The following RAD54L2 variants were observed in gnomAD, a reference collection of about 807,000 sequenced individuals.
RAD54L2 encodes the protein RAD54 like 2.
RAD54L2 carries 27 observed loss-of-function variants against 138.4 expected under a neutral mutation model. That is an observed-to-expected ratio of 0.20 (90% CI 0.14 to 0.27). The LOEUF is 0.27. Ranked by LOEUF, RAD54L2 falls within the 10% of genes least tolerant of loss-of-function variation. RAD54L2 has a pLI of 1.00. For synonymous variants in RAD54L2, 644 were observed against 723.2 expected (o/e 0.89, Z 1.76); for missense variants, 1,396 against 1,890.2 (o/e 0.74, Z 4.85).
rs751488593 is a variant in RAD54L2 at position 51,635,696 on chromosome 3, T to C, written c.1246T>C (p.Phe416Leu). ...MYRLLTLKKS[F>L]ATGRPKKTKK... The stretch of plus-strand genomic sequence containing the variant: ...CAGACTCCTCACTCTGAAGAAATCA[T>C]TTGCCACAGGTAGACCGAAGAAAAC... Residue 416 changes from phenylalanine (F) to leucine (L), a missense_variant, in exon 10 of 23, where the codon TTT becomes CTT. Physicochemically the swap from Phe to Leu is conservative, Grantham distance 22 (BLOSUM62 0). This residue lies in a region of RAD54L2 where 169 missense variants were observed against 235.6 expected (regional missense o/e 0.72). Coordinates refer to ENST00000684192, the MANE Select transcript of RAD54L2 (RefSeq NM_015106.4). The C allele has an allele frequency of 3.7e-6, 6 of 1,613,734 alleles. No individual in the cohort carries two copies. The highest frequency in any genetic ancestry group is 1.3e-5 in the African/African-American group (1 of 74,892).
chr3:51,583,327 A>C (rs1231449146), intron 2 of RAD54L2, among the ~76,000 whole-genome samples: 1 of 152,206 alleles, frequency 6.6e-6, no homozygotes, highest in African/African-American at 2.4e-5. Context: ...ACAGAAATGT[A>C]GTTGGAAAAG....
chr3:51,666,286 AC>A lies in RAD54L2; in HGVS notation c.*2868del, dbSNP rs2106870061. ...TGCTGATAGGCAAATGTGCATGCAC[AC>A]CAAACATAAGCATGTTTGTGAGGGA... On this transcript the variant is annotated 3_prime_UTR_variant, in exon 23 of 23. Coordinates refer to ENST00000684192, the MANE Select transcript of RAD54L2 (RefSeq NM_015106.4). 2.0e-5 allele frequency: 3 copies of A among 148,862 alleles called. 1 individual carries two copies. In the East Asian group the frequency reaches 6.0e-4, roughly 30 times the overall value. 9.2% of individuals were successfully genotyped at this position (148,862 alleles called of 1,614,324 possible). A position where few individuals can be genotyped will look rare whatever the true frequency, so the allele number is the denominator to read the frequency against.
Position 51,624,150 on chromosome 3 carries a change from T to TTTTGTTTG in RAD54L2, c.140-3391_140-3384dup, listed in dbSNP as rs748897893. On this transcript the variant is annotated intron_variant, in intron 3 of 22. Coordinates refer to ENST00000684192, the MANE Select transcript of RAD54L2 (RefSeq NM_015106.4). ...AGTCATAGTAAAAGCAGCAGCTGTTTTTTGTTTGTTTGTTTGTTTTTTAAA... is the reference window on the plus strand; with the variant it reads ...AGTCATAGTAAAAGCAGCAGCTGTTTTTTGTTTGTTTGTTTGTTTGTTTGTTTTTTAAA... Among the ~76,000 whole-genome samples, 9 of 152,020 alleles carry TTTTGTTTG rather than the reference T, an allele frequency of 5.9e-5. No homozygotes were observed. The East Asian group carries it at 1.7e-3, about 29-fold the overall frequency.
intron 1 of RAD54L2, among the ~76,000 whole-genome samples, chr3:51,539,948 T>C (rs1371357744): frequency 6.6e-6 from 1 of 152,240 alleles, no homozygotes; most frequent in Non-Finnish European, 1.5e-5. Flanking sequence ...GTGACTGTCA[T>C]TGACAACATT....
At chr3:51,540,646 C>T (rs782319568) in intron 1 of RAD54L2, among the ~76,000 whole-genome samples, 8 of 151,662 alleles carry the variant, frequency 5.3e-5, no homozygotes, top group Non-Finnish European at 1.2e-4. Flanking sequence ...CTAGTATAAA[C>T]TTTCAAGTGC....
At chr3:51,618,976 A>G (rs188023951) in intron 3 of RAD54L2, among the ~76,000 whole-genome samples, 2 of 152,260 alleles carry the variant, frequency 1.3e-5, no homozygotes, top group Admixed American at 1.3e-4. Flanking sequence ...TTTAATGGAG[A>G]AGGTCTGCTA....
chr3:51,640,446 A>G (rs1276410186), intron 14 of RAD54L2, among the ~76,000 whole-genome samples: 1 of 152,252 alleles, frequency 6.6e-6, no homozygotes, highest in African/African-American at 2.4e-5. Context: ...AAAGCCAAAT[A>G]AGTGATGTAG....
rs1189460383 is a variant in RAD54L2 at position 51,666,717 on chromosome 3, C to T, written c.*3297C>T. On this transcript the variant is annotated 3_prime_UTR_variant, in exon 23 of 23. Coordinates refer to ENST00000684192, the MANE Select transcript of RAD54L2 (RefSeq NM_015106.4). ...TTAGATTGGATATCTATGAAGTCCA[C>T]ACCCCTTTGAGTTATGCTTTTTAGG... 1 of 152,198 alleles carries T rather than the reference C, an allele frequency of 6.6e-6. No homozygotes were observed. Among genetic ancestry groups the T allele is most frequent in the Admixed American group, 6.5e-5 (1 of 15,286 alleles). 9.4% of individuals were successfully genotyped at this position (152,198 alleles called of 1,614,324 possible). A position where few individuals can be genotyped will look rare whatever the true frequency, so the allele number is the denominator to read the frequency against.
At chr3:51,615,073 G>C (rs1276061196) in intron 3 of RAD54L2, among the ~76,000 whole-genome samples, 3 of 152,040 alleles carry the variant, frequency 2.0e-5, no homozygotes, top group African/African-American at 7.2e-5. Flanking sequence ...TAGTGCAATG[G>C]CGTGATCTTG....
In RAD54L2 at chr3:51,588,534, CAAAAAAAAAAA is replaced by C. The variant is rs71633079; in HGVS notation, c.-54-1823_-54-1813del. On this transcript the variant is annotated intron_variant, in intron 2 of 22. Transcript: ENST00000684192. ...TGGGTGACAGAGTGAAACTGCATCT[CAAAAAAAAAAA>C]AAAAAAAAAGAAAAGAAAATTTGAA... Among the ~76,000 whole-genome samples the C allele has an allele frequency of 1.2e-4, 6 of 49,432 alleles. No homozygotes were observed. In the East Asian group the frequency reaches 3.3e-3, roughly 27 times the overall value. The allele number at this position is 49,432 out of a possible 152,430, so 32.4% of individuals were successfully genotyped here.
intron 2 of RAD54L2, among the ~76,000 whole-genome samples, chr3:51,578,721 C>T (rs951655846): frequency 3.9e-5 from 6 of 152,064 alleles, no homozygotes; most frequent in East Asian, 1.9e-4. Context: ...TTACTGGCCT[C>T]GTGGCAGCAT....
At chr3:51,613,742 G>A (rs1443284177) in intron 3 of RAD54L2, among the ~76,000 whole-genome samples, 1 of 150,386 alleles carries the variant, frequency 6.6e-6, no homozygotes, top group Non-Finnish European at 1.5e-5. Flanking sequence ...TCCAGCCTGG[G>A]CGATAGAGTG....
Position 51,667,148 on chromosome 3 carries a change from T to C in RAD54L2, c.*3728T>C, listed in dbSNP as rs1421053138. On this transcript the variant is annotated 3_prime_UTR_variant, in exon 23 of 23. Transcript: ENST00000684192. The stretch of plus-strand genomic sequence containing the variant: ...TTCCTTGTTACTAGTGTTCTGGATA[T>C]TACCTTCTGCTTCCCACTTCCTTTT... 6.6e-6 allele frequency: 1 copy of C among 152,122 alleles called. No individual in the cohort carries two copies. Among genetic ancestry groups the C allele is most frequent in the Non-Finnish European group, 1.5e-5 (1 of 68,180 alleles). 9.4% of individuals were successfully genotyped at this position (152,122 alleles called of 1,614,324 possible). A position where few individuals can be genotyped will look rare whatever the true frequency, so the allele number is the denominator to read the frequency against.
At chr3:51,608,034 G>A (rs1700240724) in intron 3 of RAD54L2, among the ~76,000 whole-genome samples, 1 of 151,260 alleles carries the variant, frequency 6.6e-6, no homozygotes, top group Admixed American at 6.6e-5. Flanking sequence ...CCCGGACAGG[G>A]CGGCTGCCGG....
At chr3:51,538,958 C>T (rs1698482165) in intron 1 of RAD54L2, among the ~76,000 whole-genome samples, 43 bp downstream of exon 1, 1 of 152,178 alleles carries the variant, frequency 6.6e-6, no homozygotes, top group Non-Finnish European at 1.5e-5. Context: ...CCGGGGCCGC[C>T]GGGTCCCGCA....
At chr3:51,557,355 A>C (rs572459754) in intron 2 of RAD54L2, among the ~76,000 whole-genome samples, 3 of 151,138 alleles carry the variant, frequency 2.0e-5, no homozygotes, top group East Asian at 2.0e-4. Context: ...GCTAATTTTT[A>C]AATTTATGTA....
rs1324854431 is a variant in RAD54L2 at position 51,662,624 on chromosome 3, C to G, written c.3608C>G (p.Pro1203Arg). 1 of 1,612,518 alleles carries G rather than the reference C, an allele frequency of 6.2e-7. No homozygotes were observed. Among genetic ancestry groups the G allele is most frequent in the Non-Finnish European group, 8.5e-7 (1 of 1,179,194 alleles). Residue 1203 changes from proline (P) to arginine (R), a missense_variant, in exon 23 of 23, where the codon CCT becomes CGT. Pro to Arg is a moderately radical substitution (Grantham distance 103). Around this residue, in one of 7 missense-constraint regions of RAD54L2, gnomAD observed 634 missense variants for 711.2 expected, o/e 0.89. Coordinates refer to ENST00000684192, the MANE Select transcript of RAD54L2 (RefSeq NM_015106.4). The surrounding 1 kb of genome is among the most constrained non-coding windows in gnomAD (Gnocchi z 4.6). ...QSSPSTNAALPGPPAQLMDSS... is the reference protein window; with the variant it reads ...QSSPSTNAALRGPPAQLMDSS... ...TCCCCAAGCACCAATGCCGCCCTGC[C>G]TGGCCCCCCGGCCCAACTTATGGAC...
intron 12 of RAD54L2, 175 bp from the exon 13 acceptor site, chr3:51,639,244 A>G: frequency 2.9e-6 from 2 of 687,876 alleles, no homozygotes; most frequent in Non-Finnish European, 4.8e-6. Context: ...CAGAACTGAT[A>G]ATCAAAACAA....
Position 51,639,887 on chromosome 3 carries a change from G to A in RAD54L2, c.2119G>A (p.Asp707Asn). 1.2e-6 allele frequency: 2 copies of A among 1,601,758 alleles called. No individual in the cohort carries two copies. Among genetic ancestry groups the A allele is most frequent in the Non-Finnish European group, 1.7e-6 (2 of 1,170,814 alleles). ...NNIVTYEWAKDLLTNYQTGVL... is the reference protein window; with the variant it reads ...NNIVTYEWAKNLLTNYQTGVL... Reference sequence around the variant, plus strand: ...CCTTGTTTCTCTCTTGCAGGCCAAGGACCTTCTGACTAATTACCAGACTGG... The same window carrying A: ...CCTTGTTTCTCTCTTGCAGGCCAAGAACCTTCTGACTAATTACCAGACTGG... Residue 707 changes from aspartate to asparagine, a missense_variant, in exon 14 of 23, where the codon GAC (aspartate) becomes AAC (asparagine). Transcript: ENST00000684192.
Sources: gnomAD v4.1 joint callset for allele counts (sites outside exome capture counted in the v4.1 genomes callset) on GRCh38, gnomAD v4.1.1 for gene constraint, gnomAD v4.1.1 regional missense constraint, Gnocchi (gnomAD v3.1) non-coding constraint, MANE v1.5 for transcripts, NCBI Gene and HGNC (gene_info 2026-07-23, HGNC 2026-07-21) for gene names.